LCP2: variants seen among roughly 807,000 people sequenced by gnomAD.
LCP2 encodes the protein lymphocyte cytosolic protein 2, also known as 76 kDa tyrosine phosphoprotein.
In LCP2, 29 loss-of-function variants were observed where a neutral mutation model predicts 74.5. The ratio of observed to expected loss-of-function variants is 0.39; its 90% CI spans 0.29 to 0.53. LCP2 has a LOEUF of 0.53. Ranked by LOEUF, LCP2 falls within the 20% of genes least tolerant of loss-of-function variation. The pLI is 0.72. For missense variants in LCP2, 604 were observed against 634.6 expected (o/e 0.95, Z 0.52); for synonymous variants, 228 against 229.5 (o/e 0.99, Z 0.06).
chr5:170,265,302 T>C (rs968805197), intron 10 of LCP2, among the ~76,000 whole-genome samples: 1 of 152,192 alleles, frequency 6.6e-6, no homozygotes, highest in Non-Finnish European at 1.5e-5. Flanking sequence ...TGCCAATTTT[T>C]GCATATTCTC....
At position 170,248,716 on chromosome 5, in the gene LCP2, T is replaced by C. The variant is rs1415422377; in HGVS notation, c.1583A>G (p.His528Arg). Residue 528 changes from histidine (H) to arginine (R), a missense_variant, in exon 21 of 21, where the codon CAT becomes CGT. Coordinates refer to ENST00000046794, the MANE Select transcript of LCP2 (RefSeq NM_005565.5). ...AACTTGCTATGGGTACCCTGCAGCA[T>C]GCGTTAATGTGCACTGGTATCTGGA... Reference protein sequence around the residue: ...RGSRYQCTLTHAAGYP With the variant: ...RGSRYQCTLTRAAGYP 3.1e-6 allele frequency: 5 copies of C among 1,611,734 alleles called. No homozygotes were observed. Among genetic ancestry groups the C allele is most frequent in the Non-Finnish European group, 4.2e-6 (5 of 1,179,108 alleles).
At chr5:170,281,878 C>T (rs1561975880) in intron 3 of LCP2, among the ~76,000 whole-genome samples, 1 of 152,226 alleles carries the variant, frequency 6.6e-6, no homozygotes, top group Non-Finnish European at 1.5e-5. Flanking sequence ...CTCTCTTCTC[C>T]GTAAAGTTAC....
intron 15 of LCP2, 98 bp from the exon 16 acceptor site, chr5:170,258,264 AAG>A: frequency 1.6e-6 from 2 of 1,250,592 alleles, no homozygotes; most frequent in African/African-American, 1.5e-5. Context: ...AGCTAGTATA[AAG>A]AGGACACAAA....
Position 170,261,099 on chromosome 5 carries a change from G to A in LCP2, c.957+8C>T, listed in dbSNP as rs376545084. The A allele has an allele frequency of 1.6e-4, 248 of 1,595,030 alleles. 2 individuals are homozygous for A. In the Middle Eastern group the frequency reaches 2.5e-3, roughly 16 times the overall value. The stretch of plus-strand genomic sequence containing the variant: ...TCAAGCACTTACAAACTGACATTTT[G>A]TACTTACATTCTCTCTTCTGTCTGG... On this transcript the variant is annotated splice_region_variant and intron_variant, in intron 14 of 20. Transcript: ENST00000046794.
chr5:170,248,539 T>A lies in LCP2; in HGVS notation c.*158A>T. On this transcript the variant is annotated 3_prime_UTR_variant, in exon 21 of 21. Coordinates refer to ENST00000046794, the MANE Select transcript of LCP2 (RefSeq NM_005565.5). ...ATAAATTATGGGATAGTTGACAGTC[T>A]TCATTTCAAACACTGTTTTTAAAGG... The A allele has an allele frequency of 1.3e-6, 1 of 740,906 alleles. No individual in the cohort carries two copies. The highest frequency in any genetic ancestry group is 1.6e-5 in the South Asian group (1 of 61,770). The allele number at this position is 740,906 out of a possible 1,614,324, so 45.9% of individuals were successfully genotyped here.
At chr5:170,289,671 T>TCTCTC (rs1491371542) in intron 2 of LCP2, among the ~76,000 whole-genome samples, 5 of 84,132 alleles carry the variant, frequency 5.9e-5, no homozygotes, top group East Asian at 2.4e-4. Flanking sequence ...CTTTCTTTCT[T>TCTCTC]TCTCTCTCTC....
intron 8 of LCP2, among the ~76,000 whole-genome samples, chr5:170,268,017 T>C (rs1761800146): frequency 6.6e-6 from 1 of 152,090 alleles, no homozygotes; most frequent in Non-Finnish European, 1.5e-5. Flanking sequence ...GTCTGAAGGC[T>C]CCTGTCCTTG....
intron 3 of LCP2, among the ~76,000 whole-genome samples, chr5:170,281,065 C>A (rs1178239122): frequency 6.6e-6 from 1 of 152,120 alleles, no homozygotes; most frequent in East Asian, 1.9e-4. Context: ...TCTAAAGGCA[C>A]GTGACCAGCA....
At chr5:170,259,729 G>C (rs1761619770) in intron 14 of LCP2, among the ~76,000 whole-genome samples, 1 of 152,208 alleles carries the variant, frequency 6.6e-6, no homozygotes, top group Admixed American at 6.5e-5. Flanking sequence ...CACACTGAGA[G>C]AAGGCGAAAA....
chr5:170,275,979 G>C (rs2113190200), intron 3 of LCP2, 119 bp from the exon 4 acceptor site: 1 of 769,102 alleles, frequency 1.3e-6, no homozygotes, highest in Non-Finnish European at 2.2e-6. Flanking sequence ...CTTTGGCCAG[G>C]CTCCTCTTTG....
chr5:170,258,379 G>A (rs1180489162), intron 15 of LCP2: 3 of 505,564 alleles, frequency 5.9e-6, no homozygotes, highest in South Asian at 7.1e-5. Context: ...ACAAAGGGGC[G>A]CAGATCTAGA....
chr5:170,263,652 A>T (rs1581062212), intron 10 of LCP2, among the ~76,000 whole-genome samples: 3 of 152,252 alleles, frequency 2.0e-5, no homozygotes, highest in Admixed American at 2.0e-4. Context: ...TCACAAAGTT[A>T]TTCAAAGTAA....
chr5:170,291,658 C>G (rs1488837120), intron 2 of LCP2, among the ~76,000 whole-genome samples: 1 of 152,164 alleles, frequency 6.6e-6, no homozygotes, highest in East Asian at 1.9e-4. Context: ...CCGGGAGGGG[C>G]CATCACCCAC....
intron 3 of LCP2, among the ~76,000 whole-genome samples, chr5:170,276,492 C>T (rs1358340700): frequency 6.6e-6 from 1 of 152,118 alleles, no homozygotes; most frequent in Non-Finnish European, 1.5e-5. Context: ...ATGAGAGACT[C>T]CCTGAATCAC....
intron 3 of LCP2, among the ~76,000 whole-genome samples, chr5:170,283,057 G>A (rs1762130148): frequency 1.3e-5 from 2 of 152,178 alleles, no homozygotes; most frequent in Non-Finnish European, 2.9e-5. Context: ...TGCCAAGAGG[G>A]ACAGTGAGTC....
chr5:170,275,336 C>A lies in LCP2; in HGVS notation c.270G>T (p.Arg90=), dbSNP rs147866765. 6.2e-7 allele frequency: 1 copy of A among 1,613,894 alleles called. No homozygotes were observed. The highest frequency in any genetic ancestry group is 1.1e-5 in the South Asian group (1 of 91,092). Residue 90 remains arginine (R), a synonymous_variant, in exon 5 of 21, where the codon CGG becomes CGT. Transcript: ENST00000046794. ...SIFTRKPQVP[R]FPEETESHEE... Reference sequence around the variant, plus strand: ...GAGCTTTACCTGTCTCTTCAGGAAACCGCGGGACTTGGGGTCTGCAAAGGT... The same window carrying A: ...GAGCTTTACCTGTCTCTTCAGGAAAACGCGGGACTTGGGGTCTGCAAAGGT...
At chr5:170,269,201 G>T (rs1424412700) in intron 7 of LCP2, among the ~76,000 whole-genome samples, 1 of 152,216 alleles carries the variant, frequency 6.6e-6, no homozygotes, top group Non-Finnish European at 1.5e-5. Context: ...CATTATCTGG[G>T]CAGAAACTCA....
At chr5:170,289,689 CTTTCTT>C (rs1762253207) in intron 2 of LCP2, among the ~76,000 whole-genome samples, 1 of 134,514 alleles carries the variant, frequency 7.4e-6, no homozygotes, top group African/African-American at 2.9e-5. Context: ...CTCTCTCTTT[CTTTCTT>C]TCTTTCCTTC....
At position 170,273,041 on chromosome 5, in the gene LCP2, T is replaced by TAAAAAAAA. The variant is rs10675735; in HGVS notation, c.324+1252_324+1259dup. Reference sequence around the variant, plus strand: ...TCACTGTTTGCTCAAATAAACTCCTTAAAAAAAAAAAAAAATTGCATTGTG... The same window carrying TAAAAAAAA: ...TCACTGTTTGCTCAAATAAACTCCTTAAAAAAAAAAAAAAAAAAAAAAATTGCATTGTG... On this transcript the variant is annotated intron_variant, in intron 6 of 20. Coordinates refer to ENST00000046794, the MANE Select transcript of LCP2 (RefSeq NM_005565.5). Among the ~76,000 whole-genome samples, 528 of 147,624 alleles carry TAAAAAAAA rather than the reference T, an allele frequency of 3.6e-3. 2 individuals are homozygous for TAAAAAAAA. The highest frequency in any genetic ancestry group is 0.012 in the African/African-American group (490 of 39,792).
Sources: allele counts gnomAD v4.1 joint callset (sites outside exome capture counted in the v4.1 genomes callset), GRCh38; gene constraint gnomAD v4.1.1; transcripts MANE v1.5; gene names NCBI Gene and HGNC (gene_info 2026-07-23, HGNC 2026-07-21).